ANKRD6: variants seen among roughly 807,000 people sequenced by gnomAD.
The protein encoded by ANKRD6 is ankyrin repeat domain-containing protein 6.
Under a neutral mutation model 82.3 loss-of-function variants are expected in ANKRD6, and 56 were observed. The observed-to-expected ratio is 0.68, with a 90% confidence interval of 0.55 to 0.85. The LOEUF is 0.85. ANKRD6 is among the 40% of genes least tolerant of loss of function. The pLI is 0.00. For synonymous variants in ANKRD6, 347 were observed against 352.1 expected (o/e 0.99, Z 0.16); for missense variants, 852 against 907.6 (o/e 0.94, Z 0.79).
At chr6:89,597,698 TC>T (rs1351552220) in intron 3 of ANKRD6, among the ~76,000 whole-genome samples, 3 of 152,030 alleles carry the variant, frequency 2.0e-5, no homozygotes, top group Middle Eastern at 3.2e-3. Context: ...ACAGAGAGAG[TC>T]CCTTTTATTT....
chr6:89,560,463 T>TG (rs1787233615), intron 1 of ANKRD6, among the ~76,000 whole-genome samples: 1 of 152,194 alleles, frequency 6.6e-6, no homozygotes, highest in African/African-American at 2.4e-5. Context: ...ACAGTCACAC[T>TG]GGGGGTGTGG....
chr6:89,616,963 T>A, intron 8 of ANKRD6: 1 of 535,870 alleles, frequency 1.9e-6, no homozygotes, highest in Admixed American at 2.2e-5. Context: ...CAAAGTGAGT[T>A]CCAAGCTGTA....
intron 1 of ANKRD6, among the ~76,000 whole-genome samples, chr6:89,438,504 C>T (rs1375184714): frequency 6.6e-6 from 1 of 152,144 alleles, no homozygotes; most frequent in East Asian, 1.9e-4. Context: ...CAGTCCCTGG[C>T]TGGGCAACTG....
At chr6:89,610,496 T>G (rs948338923) in intron 5 of ANKRD6, among the ~76,000 whole-genome samples, 2 of 151,998 alleles carry the variant, frequency 1.3e-5, no homozygotes, top group East Asian at 3.9e-4. Context: ...TATCCAAACC[T>G]ATGGTTTTTA....
At chr6:89,498,846 T>C (rs150878239) in intron 1 of ANKRD6, among the ~76,000 whole-genome samples, 2 of 152,318 alleles carry the variant, frequency 1.3e-5, no homozygotes, top group African/African-American at 4.8e-5. Flanking sequence ...TTCATAATTA[T>C]TGAGTATGAG....
chr6:89,581,048 C>T (rs1488437857), intron 2 of ANKRD6, among the ~76,000 whole-genome samples: 1 of 152,150 alleles, frequency 6.6e-6, no homozygotes, highest in Non-Finnish European at 1.5e-5. Flanking sequence ...TCAGTGTTTC[C>T]CTCCCTGAAG....
chr6:89,610,364 G>A (rs1359068346), intron 5 of ANKRD6, among the ~76,000 whole-genome samples: 1 of 152,138 alleles, frequency 6.6e-6, no homozygotes. Flanking sequence ...GGCCTTCTGT[G>A]TGTGGCTTCT....
At chr6:89,516,908 G>T (rs1034457077) in intron 1 of ANKRD6, among the ~76,000 whole-genome samples, 1 of 152,150 alleles carries the variant, frequency 6.6e-6, no homozygotes, top group Non-Finnish European at 1.5e-5. Context: ...TTACTGTGTT[G>T]CCCAGACTGG....
chr6:89,515,492 G>A (rs939955699), intron 1 of ANKRD6, among the ~76,000 whole-genome samples: 1 of 152,202 alleles, frequency 6.6e-6, no homozygotes, highest in Non-Finnish European at 1.5e-5. Context: ...ACTGGTGGTA[G>A]GATTGGTATG....
intron 1 of ANKRD6, among the ~76,000 whole-genome samples, chr6:89,435,394 GTTAACTTTTTCCC>G (rs1770508218): frequency 1.3e-5 from 2 of 152,136 alleles, no homozygotes; most frequent in South Asian, 4.1e-4. Flanking sequence ...TGGATGTTGT[GTTAACTTTTTCCC>G]TTGCTTATAT....
At chr6:89,491,938 A>G (rs1007983900) in intron 1 of ANKRD6, among the ~76,000 whole-genome samples, 4 of 152,182 alleles carry the variant, frequency 2.6e-5, no homozygotes, top group South Asian at 4.1e-4. Context: ...ATTAGATCCT[A>G]TCGCCTTTGT....
chr6:89,475,937 A>G (rs183176516), intron 1 of ANKRD6, among the ~76,000 whole-genome samples: 3 of 152,324 alleles, frequency 2.0e-5, no homozygotes, highest in East Asian at 1.9e-4. Flanking sequence ...CTAGTACAGT[A>G]GTGGATTCTT....
At chr6:89,516,538 G>A (rs1159323434) in intron 1 of ANKRD6, among the ~76,000 whole-genome samples, 1 of 151,110 alleles carries the variant, frequency 6.6e-6, no homozygotes, top group Non-Finnish European at 1.5e-5. Context: ...GCAGTGGTGT[G>A]ATCTCAGCTC....
chr6:89,588,742 A>G (rs1794278773), intron 2 of ANKRD6, among the ~76,000 whole-genome samples: 1 of 152,130 alleles, frequency 6.6e-6, no homozygotes, highest in Non-Finnish European at 1.5e-5. Context: ...ACGGTGGCTC[A>G]CGCCTCTAAT....
At chr6:89,571,873 T>C (rs912473183) in intron 2 of ANKRD6, among the ~76,000 whole-genome samples, 3 of 152,200 alleles carry the variant, frequency 2.0e-5, no homozygotes, top group Admixed American at 6.5e-5. Context: ...TATAGTATCA[T>C]ATAGATTATT....
chr6:89,557,152 T>C (rs1786710164), intron 1 of ANKRD6, among the ~76,000 whole-genome samples: 1 of 152,124 alleles, frequency 6.6e-6, no homozygotes. Flanking sequence ...TGGTTGTGAA[T>C]ACATTGATGG....
chr6:89,603,038 A>G lies in ANKRD6; in HGVS notation c.229A>G (p.Thr77Ala). The G allele has an allele frequency of 1.2e-6, 2 of 1,604,136 alleles. No individual in the cohort carries two copies. Among genetic ancestry groups the G allele is most frequent in the Non-Finnish European group, 1.7e-6 (2 of 1,175,856 alleles). Residue 77 changes from threonine (T) to alanine (A), a missense_variant, in exon 4 of 16, where the codon ACC (threonine) becomes GCC (alanine). Thr to Ala is a moderately conservative substitution (Grantham distance 58). Coordinates refer to ENST00000339746, the MANE Select transcript of ANKRD6 (RefSeq NM_001242809.2). The stretch of plus-strand genomic sequence containing the variant: ...TTGTGTCACTTTGCAGGGGGACCAG[A>G]CCGCCTTGCACCGGGCCACAGTGGT... ...DLDVQDDGDQ[T>A]ALHRATVVGN...
chr6:89,458,339 A>G (rs1773723471), intron 1 of ANKRD6, among the ~76,000 whole-genome samples: 1 of 152,338 alleles, frequency 6.6e-6, no homozygotes, highest in African/African-American at 2.4e-5. Context: ...ATATGTAGGT[A>G]TGAAAGGGAG....
At chr6:89,545,269 C>T (rs73752770) in intron 1 of ANKRD6, among the ~76,000 whole-genome samples, 11,278 of 150,932 alleles carry the variant, frequency 0.075, 539 homozygotes, top group Middle Eastern at 0.16. Flanking sequence ...CCAGAAAGTT[C>T]GGGGGAATTT....
Sources: allele counts gnomAD v4.1 joint callset (sites outside exome capture counted in the v4.1 genomes callset), GRCh38; gene constraint gnomAD v4.1.1; transcripts MANE v1.5; gene names NCBI Gene and HGNC (gene_info 2026-07-23, HGNC 2026-07-21).